The following EFCAB11 variants were observed in gnomAD, a reference collection of about 807,000 sequenced individuals.
EFCAB11 encodes EF-hand calcium binding domain 11, also known as EF-hand calcium-binding domain-containing protein 11.
Under a neutral mutation model 23.0 loss-of-function variants are expected in EFCAB11, and 14 were observed. The observed-to-expected ratio is 0.61, with a 90% CI of 0.40 to 0.95. The LOEUF (loss-of-function observed/expected upper bound fraction) is 0.95. Among genes scored for constraint, EFCAB11 ranks in the 40% least tolerant of loss-of-function variants. The pLI, the probability that EFCAB11 is intolerant of heterozygous loss-of-function variation, is 0.00. For synonymous variants in EFCAB11, 65 were observed against 66.6 expected (o/e 0.98, Z 0.11); for missense variants, 198 against 195.8 (o/e 1.01, Z -0.07).
At chr14:89,852,923 T>A in intron 5 of EFCAB11, among the ~76,000 whole-genome samples, 1 of 152,154 alleles carries the variant, frequency 6.6e-6, no homozygotes, top group East Asian at 1.9e-4. Context: ...GAACCCCAAC[T>A]CGACATTCCT....
chr14:89,825,428 G>GA (rs1480785949), intron 5 of EFCAB11, among the ~76,000 whole-genome samples: 1 of 151,930 alleles, frequency 6.6e-6, no homozygotes, highest in East Asian at 1.9e-4. Context: ...TAAGAAGACA[G>GA]AAAAAGAGCA....
rs113526504 is a variant in EFCAB11, at chr14:89,941,507, G to A, written c.217+8590C>T. Among the ~76,000 whole-genome samples, 5 of 152,138 alleles carry A rather than the reference G, an allele frequency of 3.3e-5. 1 individual carries two copies. The highest frequency in any genetic ancestry group is 9.6e-5 in the African/African-American group (4 of 41,510). On this transcript the variant is annotated intron_variant, in intron 3 of 5. Transcript: ENST00000316738. Reference sequence around the variant, plus strand: ...GTTGGTCTGGTACTTACTAGCTACCGGTGCCACTCTGGGCAAATTATTTAA... The same window carrying A: ...GTTGGTCTGGTACTTACTAGCTACCAGTGCCACTCTGGGCAAATTATTTAA...
intron 5 of EFCAB11, among the ~76,000 whole-genome samples, chr14:89,877,154 C>T (rs1208531973): frequency 1.3e-5 from 2 of 152,056 alleles, no homozygotes; most frequent in African/African-American, 4.8e-5. Flanking sequence ...ATTCTCCTCC[C>T]TCAGCCTCCT....
chr14:89,886,311 A>G (rs948563779), intron 5 of EFCAB11, among the ~76,000 whole-genome samples: 16 of 151,940 alleles, frequency 1.1e-4, no homozygotes, highest in African/African-American at 3.9e-4. Flanking sequence ...AGGTCAGGAG[A>G]TCAAGACCAT....
chr14:89,935,397 GTTTTT>G (rs60594341), intron 3 of EFCAB11, among the ~76,000 whole-genome samples: 1 of 135,796 alleles, frequency 7.4e-6, no homozygotes. Flanking sequence ...ATGCATGTGG[GTTTTT>G]TTTTTTTTTT....
At chr14:89,892,160 C>G in intron 5 of EFCAB11, 6 of 1,568,336 alleles carry the variant, frequency 3.8e-6, no homozygotes, top group Non-Finnish European at 5.2e-6. Flanking sequence ...GGTCATCTTC[C>G]TGCTGGTTGG....
chr14:89,826,119 T>A (rs139150657), intron 5 of EFCAB11, among the ~76,000 whole-genome samples: 83 of 152,322 alleles, frequency 5.4e-4, no homozygotes, highest in African/African-American at 1.9e-3. Flanking sequence ...TGTTATTATG[T>A]ATGTATACAT....
chr14:89,880,123 A>G (rs944553987), intron 5 of EFCAB11, among the ~76,000 whole-genome samples: 1 of 152,204 alleles, frequency 6.6e-6, no homozygotes, highest in South Asian at 2.1e-4. Flanking sequence ...GTGTCTCCCT[A>G]AAATTCATAT....
chr14:89,919,762 T>C (rs1889965940), intron 5 of EFCAB11, among the ~76,000 whole-genome samples: 1 of 152,118 alleles, frequency 6.6e-6, no homozygotes, highest in Non-Finnish European at 1.5e-5. Context: ...CTTCAAGGGC[T>C]GGGGTAGGCA....
At chr14:89,932,958 C>CTACTTATTA (rs1890448778) in intron 3 of EFCAB11, among the ~76,000 whole-genome samples, 1 of 152,196 alleles carries the variant, frequency 6.6e-6, no homozygotes, top group Admixed American at 6.5e-5. Context: ...AGGCATGAAA[C>CTACTTATTA]TACTTATTAA....
At chr14:89,843,677 T>C (rs565860904) in intron 5 of EFCAB11, among the ~76,000 whole-genome samples, 1 of 152,358 alleles carries the variant, frequency 6.6e-6, no homozygotes, top group Non-Finnish European at 1.5e-5. Context: ...CGTTAACATA[T>C]ATTGGGGCAT....
intron 5 of EFCAB11, among the ~76,000 whole-genome samples, chr14:89,834,695 C>T (rs537517107): frequency 2.4e-4 from 36 of 152,238 alleles, no homozygotes; most frequent in Non-Finnish European, 4.9e-4. Context: ...CCACGGATAG[C>T]AACAAAGAGG....
intron 3 of EFCAB11, among the ~76,000 whole-genome samples, chr14:89,946,660 ACTCCTGGG>A (rs1881138796): frequency 6.6e-6 from 1 of 150,906 alleles, no homozygotes; most frequent in African/African-American, 2.4e-5. Flanking sequence ...GCAACCTCAA[ACTCCTGGG>A]CTCAAGGGAT....
intron 5 of EFCAB11, among the ~76,000 whole-genome samples, chr14:89,814,137 G>C (rs559808666): frequency 7.3e-4 from 108 of 148,316 alleles, no homozygotes; most frequent in African/African-American, 2.5e-3. Context: ...AAATAACTCT[G>C]AACTTGGTGT....
intron 5 of EFCAB11, among the ~76,000 whole-genome samples, chr14:89,828,022 C>T (rs753314897): frequency 1.1e-4 from 16 of 152,070 alleles, no homozygotes; most frequent in African/African-American, 3.1e-4. Context: ...TTCCAGGGCA[C>T]CTGGAAGAGT....
Position 89,954,727 on chromosome 14 carries a change from G to T in EFCAB11, c.-67C>A. 1 of 1,557,036 alleles carries T rather than the reference G, an allele frequency of 6.4e-7. No homozygotes were observed. ...CACCGCTTTCCCAGCCTGGCTGGCA[G>T]CCTACCGCGGCCACGCCCACCGCGG... On this transcript the variant is annotated 5_prime_UTR_variant, in exon 1 of 6. The change creates a new upstream start codon in the 5' untranslated region. Coordinates refer to ENST00000316738, the MANE Select transcript of EFCAB11 (RefSeq NM_145231.4).
At chr14:89,876,811 A>T (rs1020037242) in intron 5 of EFCAB11, among the ~76,000 whole-genome samples, 2 of 152,210 alleles carry the variant, frequency 1.3e-5, no homozygotes, top group African/African-American at 4.8e-5. Flanking sequence ...GCACCTGCAC[A>T]ATGCCAGGCT....
chr14:89,803,114 G>T (rs1885842001), intron 5 of EFCAB11, among the ~76,000 whole-genome samples: 1 of 152,026 alleles, frequency 6.6e-6, no homozygotes, highest in Admixed American at 6.6e-5. Flanking sequence ...TCCAGAAATT[G>T]CCAAGTGTCC....
chr14:89,953,446 T>C (rs1891263163), intron 2 of EFCAB11, among the ~76,000 whole-genome samples: 1 of 152,194 alleles, frequency 6.6e-6, no homozygotes, highest in African/African-American at 2.4e-5. Flanking sequence ...TTAATGGTAA[T>C]CCCCTAGGAG....
Sources: gnomAD v4.1 joint callset for allele counts (sites outside exome capture counted in the v4.1 genomes callset) on GRCh38, gnomAD v4.1.1 for gene constraint, MANE v1.5 for transcripts, NCBI Gene and HGNC (gene_info 2026-07-23, HGNC 2026-07-21) for gene names.